TLE1: variants seen among roughly 807,000 people sequenced by gnomAD.
The protein encoded by TLE1 is transducin-like enhancer protein 1.
TLE1 carries 21 observed loss-of-function variants against 89.8 expected under a neutral mutation model. The observed-to-expected ratio is 0.23, with a 90% confidence interval of 0.17 to 0.34. TLE1 has a LOEUF of 0.34. TLE1 is among the 10% of genes least tolerant of loss of function. The probability of loss-of-function intolerance (pLI) is 1.00; values close to 1 mark genes in which losing one functional copy is unlikely to be tolerated. For synonymous variants in TLE1, 447 were observed against 407.6 expected (o/e 1.10, Z -1.16); for missense variants, 795 against 1,031.2 (o/e 0.77, Z 3.14).
intron 6 of TLE1, among the ~76,000 whole-genome samples, chr9:81,644,493 A>G (rs1014052738): frequency 7.9e-5 from 12 of 152,238 alleles, no homozygotes; most frequent in Non-Finnish European, 1.6e-4. Context: ...TTCCATTCAT[A>G]TGAGATGTCC....
At position 81,683,217 on chromosome 9, in the gene TLE1, A is replaced by G. The variant is rs1188846427; in HGVS notation, c.234+2459T>C. Among the ~76,000 whole-genome samples, 16 of 147,660 alleles carry G rather than the reference A, an allele frequency of 1.1e-4. No homozygotes were observed. The East Asian group carries it at 3.2e-3, about 29-fold the overall frequency. On this transcript the variant is annotated intron_variant, in intron 4 of 19. Transcript: ENST00000376499. ...TCTCTGTACGGAAAGTTTCCCCATC[A>G]CTGCATTTTTTTTTTTTTTTTAGTA...
rs1377733202 is a variant in TLE1, at chr9:81,616,627, T to C, written c.765+19A>G. ...TTCAAATCATTCTGAAGACAAACTTTGATGAAAAGAATGGTTACCTCATTA... is the reference window on the plus strand; with the variant it reads ...TTCAAATCATTCTGAAGACAAACTTCGATGAAAAGAATGGTTACCTCATTA... On this transcript the variant is annotated intron_variant, in intron 10 of 19. Coordinates refer to ENST00000376499, the MANE Select transcript of TLE1 (RefSeq NM_005077.5). 7 of 1,613,110 alleles carry C rather than the reference T, an allele frequency of 4.3e-6. No individual in the cohort carries two copies. In the Admixed American group the frequency reaches 5.0e-5, roughly 12 times the overall value.
intron 6 of TLE1, among the ~76,000 whole-genome samples, chr9:81,651,164 G>T (rs1160987285): frequency 6.6e-6 from 1 of 152,168 alleles, no homozygotes; most frequent in Admixed American, 6.5e-5. Flanking sequence ...GAACTATAAA[G>T]ACCAGCAGGG....
intron 4 of TLE1, among the ~76,000 whole-genome samples, chr9:81,682,266 A>AAGC (rs1314568958): frequency 8.6e-5 from 13 of 151,648 alleles, no homozygotes; most frequent in East Asian, 3.9e-4. Context: ...AAAAAAAAAA[A>AAGC]AGCAGCAGCA....
At chr9:81,587,911 T>TGTGTGTGTGTGTGTGTGTCATCCCGC in intron 16 of TLE1, 83 bp from the exon 17 acceptor site, 1 of 878,498 alleles carries the variant, frequency 1.1e-6, no homozygotes, top group African/African-American at 2.2e-5. Context: ...TTGGACCGTG[T>TGTGTGTGTGTGTGTGTGTCATCCCGC]GTGTGTGTGT....
chr9:81,682,041 T>A (rs1007776408), intron 4 of TLE1, among the ~76,000 whole-genome samples: 3 of 151,170 alleles, frequency 2.0e-5, no homozygotes, highest in African/African-American at 7.3e-5. Context: ...AGGTCAGGAG[T>A]TCGAAACCAG....
rs372848013 is a variant in TLE1, at chr9:81,687,776, A to G, written c.25-342T>C. Among the ~76,000 whole-genome samples the G allele has an allele frequency of 3.7e-3, 557 of 152,072 alleles. 4 individuals are homozygous for G. The highest frequency in any genetic ancestry group is 0.013 in the African/African-American group (538 of 41,518). ...CGCCCCTTCCCCCACGGCGGCGATA[A>G]TGACCCCGGGGACCAGAGGAGAAAA... On this transcript the variant is annotated intron_variant, in intron 1 of 19. Transcript: ENST00000376499.
chr9:81,631,559 C>T (rs1228787426), intron 8 of TLE1, among the ~76,000 whole-genome samples: 2 of 152,236 alleles, frequency 1.3e-5, no homozygotes, highest in Non-Finnish European at 2.9e-5. Flanking sequence ...TGCATGCTTA[C>T]ATACCTCGAA....
At chr9:81,604,099 C>T (rs567320684) in intron 14 of TLE1, among the ~76,000 whole-genome samples, 4 of 152,320 alleles carry the variant, frequency 2.6e-5, no homozygotes, top group Middle Eastern at 3.4e-3. Flanking sequence ...CCCATGTACA[C>T]CTAAATTCTT....
At position 81,633,288 on chromosome 9, in the gene TLE1, CGTGTGT is replaced by C. The variant is rs56327119; in HGVS notation, c.594+54_594+59del. 3.3e-3 allele frequency: 5,106 copies of C among 1,568,842 alleles called. 24 individuals are homozygous for C. Among genetic ancestry groups the C allele is most frequent in the African/African-American group, 0.03 (2,216 of 73,106 alleles). On this transcript the variant is annotated intron_variant, in intron 8 of 19. Transcript: ENST00000376499. Reference sequence around the variant, plus strand: ...TGGAGAAGTGTTGTCAGAAGGGGACCGTGTGTGTGTGTGTGTGTGTGTGTGTGTGTG... The same window carrying C: ...TGGAGAAGTGTTGTCAGAAGGGGACCGTGTGTGTGTGTGTGTGTGTGTGTG...
chr9:81,626,337 G>A (rs1376637306), intron 8 of TLE1, among the ~76,000 whole-genome samples: 1 of 151,882 alleles, frequency 6.6e-6, no homozygotes, highest in East Asian at 1.9e-4. Context: ...AAACAATTAG[G>A]TAACGACGCA....
chr9:81,618,459 AGC>A (rs1178523424), intron 9 of TLE1, among the ~76,000 whole-genome samples: 1 of 152,198 alleles, frequency 6.6e-6, no homozygotes, highest in Non-Finnish European at 1.5e-5. Flanking sequence ...TTTCTTCAAT[AGC>A]GTGTTACAAG....
chr9:81,669,409 G>A (rs1831921358), intron 4 of TLE1, among the ~76,000 whole-genome samples: 1 of 152,052 alleles, frequency 6.6e-6, no homozygotes, highest in Non-Finnish European at 1.5e-5. Context: ...ATTAATGAGG[G>A]GAAATAACCT....
Position 81,616,037 on chromosome 9 carries a change from G to T in TLE1, c.863C>A (p.Ala288Asp). Residue 288 changes from alanine (A) to aspartate (D), a missense_variant, in exon 11 of 20, where the codon GCT becomes GAT. By Grantham distance (126) the Ala-to-Asp change is moderately radical (BLOSUM62 -2). Transcript: ENST00000376499. ...GGAACTTGCCGAGGAGGCCGTGGAA[G>T]CTGGACTGCTAGAAGCATCCTTCTT... is the stretch of plus-strand genomic sequence containing the variant. ...LLKKDASSSP[A>D]STASSASSTS... 1 of 1,614,108 alleles carries T rather than the reference G, an allele frequency of 6.2e-7. No homozygotes were observed. Among genetic ancestry groups the T allele is most frequent in the Non-Finnish European group, 8.5e-7 (1 of 1,180,030 alleles).
chr9:81,668,705 C>CA (rs59604053), intron 4 of TLE1, among the ~76,000 whole-genome samples: 1,791 of 150,786 alleles, frequency 0.012, 50 homozygotes, highest in African/African-American at 0.041. Context: ...AAAAGTATGC[C>CA]AAAAAAAAGG....
intron 14 of TLE1, among the ~76,000 whole-genome samples, chr9:81,599,061 A>C (rs1830572240): frequency 6.6e-6 from 1 of 152,236 alleles, no homozygotes; most frequent in African/African-American, 2.4e-5. Flanking sequence ...GTGCCCTGAC[A>C]AAACTTAGCC....
intron 8 of TLE1, among the ~76,000 whole-genome samples, chr9:81,627,467 C>T (rs1012164433): frequency 7.2e-5 from 11 of 152,256 alleles, no homozygotes; most frequent in Middle Eastern, 6.8e-3. Context: ...GGTACAGGCT[C>T]CTGACAATCT....
chr9:81,600,057 C>A, intron 14 of TLE1: 1 of 727,752 alleles, frequency 1.4e-6, no homozygotes, highest in Non-Finnish European at 2.6e-6. Context: ...TAGGACCTAA[C>A]TTCCTCTATC....
intron 14 of TLE1, among the ~76,000 whole-genome samples, chr9:81,594,643 A>G (rs189836142): frequency 3.9e-4 from 59 of 152,286 alleles, no homozygotes; most frequent in East Asian, 7.7e-4. Flanking sequence ...ACCATAAACA[A>G]TAAGTGAAGT....
Sources: allele counts gnomAD v4.1 joint callset (sites outside exome capture counted in the v4.1 genomes callset), GRCh38; gene constraint gnomAD v4.1.1; transcripts MANE v1.5; gene names NCBI Gene and HGNC (gene_info 2026-07-23, HGNC 2026-07-21).